SLC1A4: variants seen among roughly 807,000 people sequenced by gnomAD.
SLC1A4 encodes the protein neutral amino acid transporter A.
Under a neutral mutation model 37.7 loss-of-function variants are expected in SLC1A4, and 19 were observed. That is an observed-to-expected ratio of 0.50 (90% CI 0.35 to 0.74). The LOEUF is 0.74. Among genes scored for constraint, SLC1A4 ranks in the 30% least tolerant of loss-of-function variants. The pLI, the probability that SLC1A4 is intolerant of heterozygous loss-of-function variation, is 0.01. For missense variants in SLC1A4, 570 were observed against 712.9 expected (o/e 0.80, Z 2.28); for synonymous variants, 299 against 309.8 (o/e 0.97, Z 0.37).
chr2:65,004,348 C>A (rs915003553), intron 3 of SLC1A4, among the ~76,000 whole-genome samples: 3 of 152,174 alleles, frequency 2.0e-5, no homozygotes, highest in Admixed American at 6.5e-5. Context: ...CTCTTGGCCT[C>A]AAGTGATTCT....
At chr2:65,019,819 G>A (rs1674336516) in intron 7 of SLC1A4, among the ~76,000 whole-genome samples, 1 of 152,190 alleles carries the variant, frequency 6.6e-6, no homozygotes, top group Non-Finnish European at 1.5e-5. Flanking sequence ...TCAAAGAGGT[G>A]CTTGGCCAGG....
intron 1 of SLC1A4, among the ~76,000 whole-genome samples, chr2:64,994,136 C>A (rs1474887493): frequency 1.3e-5 from 2 of 152,224 alleles, no homozygotes; most frequent in Non-Finnish European, 2.9e-5. Flanking sequence ...TAGAGTCACA[C>A]TATGGAAAAT....
At position 65,016,691 on chromosome 2, in the gene SLC1A4, C is replaced by T. The variant is rs1388562498; in HGVS notation, c.1034+18C>T. On this transcript the variant is annotated intron_variant, in intron 5 of 7. Transcript: ENST00000234256. ...TGCTCCAGGTGAGTGGGTTTTGGGTCTCTTCACTGCTCTGAGCCATGTTAA... is the reference window on the plus strand; with the variant it reads ...TGCTCCAGGTGAGTGGGTTTTGGGTTTCTTCACTGCTCTGAGCCATGTTAA... 2.6e-6 allele frequency: 4 copies of T among 1,513,664 alleles called. No individual in the cohort carries two copies. The African/African-American group carries it at 5.5e-5, about 21-fold the overall frequency. The allele number at this position is 1,513,664 out of a possible 1,614,324, so 93.8% of individuals were successfully genotyped here.
intron 5 of SLC1A4, among the ~76,000 whole-genome samples, chr2:65,017,681 G>GA (rs909901902): frequency 5.2e-4 from 78 of 151,218 alleles, no homozygotes; most frequent in Middle Eastern, 3.4e-3. Flanking sequence ...TGGCCTAAAA[G>GA]AAAAAAAAAT....
chr2:65,011,066 C>G (rs1453358142), intron 4 of SLC1A4, among the ~76,000 whole-genome samples: 4 of 152,200 alleles, frequency 2.6e-5, no homozygotes, highest in Non-Finnish European at 5.9e-5. Flanking sequence ...CCACCCAGTT[C>G]ATGTGGGTTG....
chr2:65,010,826 C>A, intron 4 of SLC1A4, 63 bp downstream of exon 4: 1 of 1,540,628 alleles, frequency 6.5e-7, no homozygotes, highest in South Asian at 1.2e-5. Context: ...AAAGAGTCCA[C>A]CTTGCTGTTC....
In SLC1A4 at chr2:65,010,649, T is replaced by A. The variant is rs1158946907; in HGVS notation, c.686T>A (p.Phe229Tyr). The A allele has an allele frequency of 1.2e-6, 2 of 1,614,094 alleles. No individual in the cohort carries two copies. Among genetic ancestry groups the A allele is most frequent in the Admixed American group, 3.3e-5 (2 of 60,010 alleles). Residue 229 changes from phenylalanine (F) to tyrosine (Y), a missense_variant, in exon 4 of 8, where the codon TTT becomes TAT. Phe to Tyr is a conservative substitution (Grantham distance 22). Coordinates refer to ENST00000234256, the MANE Select transcript of SLC1A4 (RefSeq NM_003038.5). ...ATGAACATTTTAGGATTGGTCCTGT[T>A]TGCTCTGGTGTTAGGAGTGGCCTTA... ...EGMNILGLVL[F>Y]ALVLGVALKK... is the part of the protein sequence containing the mutation.
intron 3 of SLC1A4, among the ~76,000 whole-genome samples, chr2:65,005,409 G>A (rs536576446): frequency 6.6e-6 from 1 of 152,162 alleles, no homozygotes; most frequent in Non-Finnish European, 1.5e-5. Context: ...AAAAATGGAG[G>A]TCACTTCACT....
chr2:65,018,809 A>G lies in SLC1A4; in HGVS notation c.1364+130A>G. 9.3e-7 allele frequency: 1 copy of G among 1,072,778 alleles called. No homozygotes were observed. Among genetic ancestry groups the G allele is most frequent in the African/African-American group, 1.6e-5 (1 of 63,546 alleles). 66.5% of individuals were successfully genotyped at this position (1,072,778 alleles called of 1,614,324 possible). On this transcript the variant is annotated intron_variant, in intron 7 of 7. Coordinates refer to ENST00000234256, the MANE Select transcript of SLC1A4 (RefSeq NM_003038.5). The surrounding 1 kb of genome is among the most constrained non-coding windows in gnomAD (Gnocchi z 4.3). ...AGCCTTGTGAAGGAGGCTACAGTGG[A>G]GCTAAAAGGGCAAGATTTAGAGCTA...
chr2:64,990,370 A>G (rs1354247992), intron 1 of SLC1A4, among the ~76,000 whole-genome samples, 200 bp downstream of exon 1: 1 of 152,138 alleles, frequency 6.6e-6, no homozygotes. Context: ...GCTGGGGCGC[A>G]CCGCACAATC....
intron 1 of SLC1A4, chr2:65,000,426 A>T (rs1260698751): frequency 1.3e-5 from 2 of 152,260 alleles, no homozygotes; most frequent in Non-Finnish European, 2.9e-5. Flanking sequence ...TAATTATAAC[A>T]AAAACAATGT....
At chr2:65,019,779 C>A (rs1355766309) in intron 7 of SLC1A4, among the ~76,000 whole-genome samples, 1 of 152,224 alleles carries the variant, frequency 6.6e-6, no homozygotes, top group Admixed American at 6.5e-5. Flanking sequence ...CTTCCTCACC[C>A]AGCCACCTCC....
chr2:64,998,855 G>A (rs1198518724), intron 1 of SLC1A4, among the ~76,000 whole-genome samples: 5 of 152,172 alleles, frequency 3.3e-5, no homozygotes, highest in African/African-American at 4.8e-5. Context: ...GGTATTTGCC[G>A]GGGGAAATTG....
At chr2:64,999,614 G>A (rs1439058447) in intron 1 of SLC1A4, 1 of 152,062 alleles carries the variant, frequency 6.6e-6, no homozygotes, top group East Asian at 1.9e-4. Context: ...GTGTTGGTCA[G>A]GGCTAGGTTC....
rs769878721 is a variant in SLC1A4 at position 65,021,181 on chromosome 2, A to T, written c.*35A>T. 3.9e-6 allele frequency: 6 copies of T among 1,550,100 alleles called. No individual in the cohort carries two copies. Among genetic ancestry groups the T allele is most frequent in the Non-Finnish European group, 5.3e-6 (6 of 1,124,224 alleles). The stretch of plus-strand genomic sequence containing the variant: ...GCTTTGGGCTTGCCTGCCAGCAGTG[A>T]TGTCCCACCCTGTTCACCCAGCCGC... On this transcript the variant is annotated 3_prime_UTR_variant, in exon 8 of 8. Coordinates refer to ENST00000234256, the MANE Select transcript of SLC1A4 (RefSeq NM_003038.5).
Position 65,018,311 on chromosome 2 carries a change from T to C in SLC1A4, c.1229+46T>C, listed in dbSNP as rs1239384526. 1.9e-6 allele frequency: 3 copies of C among 1,581,210 alleles called. No individual in the cohort carries two copies. The highest frequency in any genetic ancestry group is 2.6e-6 in the Non-Finnish European group (3 of 1,157,196). On this transcript the variant is annotated intron_variant, in intron 6 of 7. Transcript: ENST00000234256. The surrounding 1 kb of genome is among the most constrained non-coding windows in gnomAD (Gnocchi z 4.3). ...CTGGCTCAAAACTGAAGGCTTTTCT[T>C]GTGATTTCCTTTGAAAAACCAATCT...
intron 7 of SLC1A4, among the ~76,000 whole-genome samples, chr2:65,019,790 T>C (rs1674334016): frequency 6.6e-6 from 1 of 152,180 alleles, no homozygotes; most frequent in Admixed American, 6.5e-5. Context: ...AGCCACCTCC[T>C]GTGCGTGGAG....
At chr2:65,011,815 C>T (rs902718907) in intron 4 of SLC1A4, among the ~76,000 whole-genome samples, 7 of 152,018 alleles carry the variant, frequency 4.6e-5, no homozygotes, top group African/African-American at 1.7e-4. Context: ...GTTGCCCAGG[C>T]TAGAGTGCAG....
chr2:65,007,336 T>C (rs953428519), intron 3 of SLC1A4, among the ~76,000 whole-genome samples: 1 of 152,092 alleles, frequency 6.6e-6, no homozygotes, highest in African/African-American at 2.4e-5. Context: ...GGAGGTCTTC[T>C]GATCAGGTGA....
Sources: allele counts gnomAD v4.1 joint callset (sites outside exome capture counted in the v4.1 genomes callset), GRCh38; gene constraint gnomAD v4.1.1; non-coding constraint Gnocchi (gnomAD v3.1); transcripts MANE v1.5; gene names NCBI Gene and HGNC (gene_info 2026-07-23, HGNC 2026-07-21).